The following ADCY8 variants were observed in gnomAD, a reference collection of about 807,000 sequenced individuals.
ADCY8 encodes adenylate cyclase type 8.
ADCY8 carries 51 observed loss-of-function variants against 119.7 expected under a neutral mutation model. The ratio of observed to expected loss-of-function variants is 0.43; its 90% CI spans 0.34 to 0.54. ADCY8 has a LOEUF of 0.54. ADCY8 is among the 20% of genes least tolerant of loss of function. The probability of loss-of-function intolerance (pLI) is 0.03; values close to 1 mark genes in which losing one functional copy is unlikely to be tolerated. For synonymous variants in ADCY8, 665 were observed against 651.0 expected, an observed-to-expected ratio of 1.02 and a Z score of -0.33; for missense variants, 1,383 against 1,598.8, an observed-to-expected ratio of 0.87 and a Z score of 2.30.
intron 13 of ADCY8, among the ~76,000 whole-genome samples, chr8:130,816,538 G>T (rs1816352142): frequency 6.9e-6 from 1 of 145,286 alleles, no homozygotes; most frequent in Non-Finnish European, 1.5e-5. Flanking sequence ...CCATTCTCCT[G>T]CCTCAGCCCC....
intron 15 of ADCY8, among the ~76,000 whole-genome samples, chr8:130,788,418 A>G (rs567775678): frequency 2.6e-5 from 4 of 152,214 alleles, no homozygotes; most frequent in Non-Finnish European, 4.4e-5. Flanking sequence ...AATCTCACAC[A>G]TATGTGGAAT....
chr8:130,865,708 G>C lies in ADCY8; in HGVS notation c.2210+2138C>G, dbSNP rs1235295473. On this transcript the variant is annotated intron_variant, in intron 9 of 17. Transcript: ENST00000286355. Reference sequence around the variant, plus strand: ...TTAACTCTATAGAGCTTTCTCTTTGGTTGCTTTCATGCAGTGTTTCAAAAC... The same window carrying C: ...TTAACTCTATAGAGCTTTCTCTTTGCTTGCTTTCATGCAGTGTTTCAAAAC... 2.0e-5 allele frequency among the ~76,000 whole-genome samples: 3 copies of C among 152,072 alleles called. No homozygotes were observed. In the East Asian group the frequency reaches 5.8e-4, roughly 29 times the overall value.
At chr8:130,926,940 C>CATATATATAT (rs10572208) in intron 5 of ADCY8, among the ~76,000 whole-genome samples, 2,546 of 144,994 alleles carry the variant, frequency 0.018, 44 homozygotes, top group South Asian at 0.054. Flanking sequence ...TATTCCATTA[C>CATATATATAT]ATATATATAT....
intron 9 of ADCY8, among the ~76,000 whole-genome samples, chr8:130,865,274 A>G (rs2130380843): frequency 6.6e-6 from 1 of 152,038 alleles, no homozygotes; most frequent in African/African-American, 2.4e-5. Flanking sequence ...TATATTTCTT[A>G]AGTAATTTTT....
intron 14 of ADCY8, among the ~76,000 whole-genome samples, chr8:130,811,646 C>G (rs1816170128): frequency 6.6e-6 from 1 of 152,186 alleles, no homozygotes; most frequent in African/African-American, 2.4e-5. Context: ...AGTTAAATGC[C>G]TCAGCAAGGG....
At chr8:130,933,543 T>C (rs1256535067) in intron 5 of ADCY8, among the ~76,000 whole-genome samples, 2 of 152,218 alleles carry the variant, frequency 1.3e-5, no homozygotes, top group Admixed American at 1.3e-4. Flanking sequence ...TTTAGCATGC[T>C]TTCTTGCTAA....
intron 12 of ADCY8, among the ~76,000 whole-genome samples, chr8:130,821,932 A>G (rs763645823): frequency 6.6e-6 from 1 of 152,206 alleles, no homozygotes; most frequent in Non-Finnish European, 1.5e-5. Context: ...GGGCTGGGAC[A>G]AGAGTCAAAT....
chr8:130,962,908 G>A (rs1464671577), intron 2 of ADCY8, among the ~76,000 whole-genome samples: 2 of 152,182 alleles, frequency 1.3e-5, no homozygotes, highest in African/African-American at 2.4e-5. Flanking sequence ...TATTGTTGTT[G>A]ATCACACATT....
chr8:130,957,269 T>C (rs1216989912), intron 2 of ADCY8, among the ~76,000 whole-genome samples: 1 of 152,106 alleles, frequency 6.6e-6, no homozygotes. Context: ...GTGACTCTTG[T>C]TGTGTTTTAG....
chr8:131,028,544 A>G (rs1317139934), intron 1 of ADCY8, among the ~76,000 whole-genome samples: 1 of 150,078 alleles, frequency 6.7e-6, no homozygotes, highest in East Asian at 1.9e-4. Context: ...TGAACTAATT[A>G]GCAGAAAAAA....
intron 4 of ADCY8, among the ~76,000 whole-genome samples, 199 bp downstream of exon 4, chr8:130,943,152 A>G (rs1285690550): frequency 1.3e-5 from 2 of 152,210 alleles, no homozygotes; most frequent in Non-Finnish European, 2.9e-5. Flanking sequence ...GAGAAAATTA[A>G]TCTGACAAAC....
Position 130,884,668 on chromosome 8 carries a change from T to G in ADCY8, c.2005A>C (p.Lys669Gln). ...AAGTCGATGGTATGTTCTATTCTCTTGTTAATTTCCTCAGGCCCAGACTGG... is the reference window on the plus strand; with the variant it reads ...AAGTCGATGGTATGTTCTATTCTCTGGTTAATTTCCTCAGGCCCAGACTGG... ...HVQSGPEEIN[K>Q]RIEHTIDLRS... is the part of the protein sequence containing the mutation. The change falls in exon 8 of 18, where the codon AAG becomes CAG. Residue 669 changes from lysine (K) to glutamine (Q), a missense_variant. Coordinates refer to ENST00000286355, the MANE Select transcript of ADCY8 (RefSeq NM_001115.3). 1 of 1,613,926 alleles carries G rather than the reference T, an allele frequency of 6.2e-7. No individual in the cohort carries two copies. Among genetic ancestry groups the G allele is most frequent in the African/African-American group, 1.3e-5 (1 of 75,024 alleles).
At chr8:130,782,969 G>T (rs1815132038) in intron 17 of ADCY8, among the ~76,000 whole-genome samples, 1 of 152,212 alleles carries the variant, frequency 6.6e-6, no homozygotes, top group East Asian at 1.9e-4. Context: ...TGCTGGAGCT[G>T]CTGCTGGTGT....
At chr8:130,997,691 G>C (rs1268851425) in intron 1 of ADCY8, among the ~76,000 whole-genome samples, 1 of 152,144 alleles carries the variant, frequency 6.6e-6, no homozygotes, top group Admixed American at 6.5e-5. Flanking sequence ...AAAAATGCCT[G>C]AACTGTTCAA....
rs1455977926 is a variant in ADCY8, at chr8:130,846,894, T to TC, written c.2502+529dup. ...TCCCTTCCCTTCCCTTCCCTTTCCT[T>TC]CCTTCCTTCCTTCCTTCCTTCCTTC... On this transcript the variant is annotated intron_variant, in intron 11 of 17. Coordinates refer to ENST00000286355, the MANE Select transcript of ADCY8 (RefSeq NM_001115.3). Among the ~76,000 whole-genome samples, 6 of 50,694 alleles carry TC rather than the reference T, an allele frequency of 1.2e-4. 1 individual carries two copies. Among genetic ancestry groups the TC allele is most frequent in the Admixed American group, 2.5e-4 (1 of 4,026 alleles). 33.3% of individuals were successfully genotyped at this position (50,694 alleles called of 152,430 possible).
intron 2 of ADCY8, among the ~76,000 whole-genome samples, chr8:130,971,568 TTAC>T (rs769692867): frequency 2.4e-4 from 37 of 152,098 alleles, no homozygotes; most frequent in Non-Finnish European, 2.9e-4. Context: ...GAAGAAAAGG[TTAC>T]TACTCTTACA....
intron 1 of ADCY8, among the ~76,000 whole-genome samples, chr8:131,022,070 A>C (rs1823687257): frequency 6.6e-6 from 1 of 152,132 alleles, no homozygotes; most frequent in Non-Finnish European, 1.5e-5. Context: ...GCGTATTTTG[A>C]TATATTATGT....
intron 7 of ADCY8, 112 bp downstream of exon 7, chr8:130,903,660 T>G: frequency 8.5e-7 from 1 of 1,182,682 alleles, no homozygotes; most frequent in Non-Finnish European, 1.2e-6. Flanking sequence ...GCAATTATGG[T>G]GTTCATTGGA....
intron 1 of ADCY8, among the ~76,000 whole-genome samples, chr8:131,010,692 T>C (rs545530549): frequency 1.3e-5 from 2 of 152,238 alleles, no homozygotes; most frequent in African/African-American, 2.4e-5. Context: ...TGAGGATCTA[T>C]AGTGTCTCAA....
Sources: allele counts gnomAD v4.1 joint callset (sites outside exome capture counted in the v4.1 genomes callset), GRCh38; gene constraint gnomAD v4.1.1; transcripts MANE v1.5; gene names NCBI Gene and HGNC (gene_info 2026-07-23, HGNC 2026-07-21).